MEF2C: variants seen among roughly 807,000 people sequenced by gnomAD.
The protein encoded by MEF2C is myocyte enhancer factor 2C.
In MEF2C, 6 loss-of-function variants were observed where a neutral mutation model predicts 50.5. The observed-to-expected ratio is 0.12, with a 90% CI of 0.07 to 0.23. The LOEUF is 0.23. MEF2C is among the 10% of genes least tolerant of loss of function. MEF2C has a pLI of 1.00. For missense variants in MEF2C, 276 were observed against 605.0 expected, an observed-to-expected ratio of 0.46 and a Z score of 5.70; for synonymous variants, 183 against 228.0, an observed-to-expected ratio of 0.80 and a Z score of 1.78.
upstream of MEF2C, chr5:88,887,261 T>C (rs1430366026): frequency 6.6e-6 from 1 of 152,214 alleles, no homozygotes. Context: ...TACACAGGAC[T>C]TCCCATGAAA....
rs929557536 is a variant in MEF2C, at chr5:88,823,826, A to T, written c.-38T>A. On this transcript the variant is annotated 5_prime_UTR_variant, in exon 2 of 11. Coordinates refer to ENST00000504921, the MANE Select transcript of MEF2C (RefSeq NM_002397.5). ...TCTTCTCTCTCTCGTCCCTGAAATT[A>T]TGTATTTTTTCCTTCCTTTTCTTTC... 13 of 1,603,316 alleles carry T rather than the reference A, an allele frequency of 8.1e-6. No individual in the cohort carries two copies. Among genetic ancestry groups the T allele is most frequent in the Non-Finnish European group, 1.1e-5 (13 of 1,174,492 alleles).
At chr5:88,730,152 A>T (rs1413463179) in intron 8 of MEF2C, 59 bp downstream of exon 8, 5 of 1,533,734 alleles carry the variant, frequency 3.3e-6, no homozygotes, top group Non-Finnish European at 4.4e-6. Context: ...CAAAGCTACC[A>T]CCTCTACCTA....
At chr5:88,811,152 C>G (rs781190311) in intron 2 of MEF2C, among the ~76,000 whole-genome samples, 2 of 152,022 alleles carry the variant, frequency 1.3e-5, no homozygotes, top group Non-Finnish European at 2.9e-5. Flanking sequence ...AGAGCATCTA[C>G]AGGATGGTAA....
chr5:88,717,832 T>A lies in MEF2C; in HGVS notation c.*4772A>T, dbSNP rs1156980453. ...AGCCTATGTTTTCAACTTTTAGAAA[T>A]TACTTCGAAGAAGAAAAAAGGAACT... On this transcript the variant is annotated 3_prime_UTR_variant, in exon 11 of 11. Transcript: ENST00000504921. The A allele has an allele frequency of 6.6e-6, 1 of 152,216 alleles. No homozygotes were observed. Among genetic ancestry groups the A allele is most frequent in the African/African-American group, 2.4e-5 (1 of 41,458 alleles). 9.4% of individuals were successfully genotyped at this position (152,216 alleles called of 1,614,324 possible). A position where few individuals can be genotyped will look rare whatever the true frequency, so the allele number is the denominator to read the frequency against.
intron 1 of MEF2C, among the ~76,000 whole-genome samples, chr5:88,827,956 T>C (rs1261208759): frequency 1.3e-5 from 2 of 151,432 alleles, no homozygotes; most frequent in Middle Eastern, 3.4e-3. Context: ...AAGATTCTTA[T>C]GGTTATTGAG....
At chr5:88,854,067 T>C (rs1822358921) in intron 1 of MEF2C, among the ~76,000 whole-genome samples, 1 of 152,226 alleles carries the variant, frequency 6.6e-6, no homozygotes. Context: ...CTTTATCTAT[T>C]ACCTGCATGT....
intron 2 of MEF2C, among the ~76,000 whole-genome samples, chr5:88,807,033 T>A (rs1800751778): frequency 2.0e-5 from 3 of 152,152 alleles, no homozygotes; most frequent in Non-Finnish European, 4.4e-5. Context: ...TCCCATGAAA[T>A]TTTTTTAACA....
chr5:88,844,110 G>A (rs566262707), intron 1 of MEF2C, among the ~76,000 whole-genome samples: 3 of 152,200 alleles, frequency 2.0e-5, no homozygotes, highest in South Asian at 2.1e-4. Context: ...GCACCCCTGC[G>A]AAACAATTTT....
chr5:88,728,467 A>G (rs1396604512), intron 10 of MEF2C, 26 bp downstream of exon 10: 3 of 1,391,872 alleles, frequency 2.2e-6, no homozygotes, highest in East Asian at 2.7e-5. Context: ...TTCTAAAATT[A>G]TATTATAAAA....
chr5:88,797,455 C>CTTTTTTTTTTTTTTT (rs879036291), intron 3 of MEF2C, among the ~76,000 whole-genome samples: 2 of 63,308 alleles, frequency 3.2e-5, no homozygotes, highest in Admixed American at 2.0e-4. Flanking sequence ...CAACCCTTGC[C>CTTTTTTTTTTTTTTT]TTTTTTTTTT....
chr5:88,858,435 G>A (rs911888738), intron 1 of MEF2C, among the ~76,000 whole-genome samples: 17 of 152,220 alleles, frequency 1.1e-4, no homozygotes, highest in African/African-American at 3.6e-4. Context: ...AGTTAATCAT[G>A]GGCCTTGGCT....
At chr5:88,838,086 G>A (rs1815883479) in intron 1 of MEF2C, among the ~76,000 whole-genome samples, 1 of 152,094 alleles carries the variant, frequency 6.6e-6, no homozygotes, top group Non-Finnish European at 1.5e-5. Context: ...TATCAATCCA[G>A]TCTCACACTC....
intron 1 of MEF2C, chr5:88,838,567 C>CTGAGAATTACAGA: frequency 1.0e-6 from 1 of 985,084 alleles, no homozygotes; most frequent in Non-Finnish European, 1.2e-6. Context: ...GAATTCTCAT[C>CTGAGAATTACAGA]TGAGAATTAC....
intron 3 of MEF2C, among the ~76,000 whole-genome samples, chr5:88,776,477 T>C (rs959906293): frequency 1.3e-5 from 2 of 152,176 alleles, no homozygotes; most frequent in African/African-American, 4.8e-5. Context: ...GATCAACAAC[T>C]CCTCATTCCC....
intron 4 of MEF2C, among the ~76,000 whole-genome samples, chr5:88,756,406 G>A (rs575328896): frequency 1.1e-3 from 165 of 152,122 alleles, no homozygotes; most frequent in African/African-American, 3.7e-3. Flanking sequence ...GAGAACATAC[G>A]GTATTAGATT....
chr5:88,895,859 C>T (rs1355756721), intron 1 of MEF2C, among the ~76,000 whole-genome samples: 1 of 152,216 alleles, frequency 6.6e-6, no homozygotes, highest in Non-Finnish European at 1.5e-5. Context: ...GAGCCGGCCA[C>T]TACAGCCGCC....
chr5:88,847,993 A>G (rs569136513), intron 1 of MEF2C, among the ~76,000 whole-genome samples: 3 of 152,330 alleles, frequency 2.0e-5, no homozygotes, highest in African/African-American at 7.2e-5. Flanking sequence ...TAAAGTACAT[A>G]ACTAAAAAGT....
intron 3 of MEF2C, among the ~76,000 whole-genome samples, chr5:88,769,507 G>A (rs1428984133): frequency 6.6e-6 from 1 of 152,160 alleles, no homozygotes; most frequent in African/African-American, 2.4e-5. Context: ...TCTGGCACAC[G>A]TTAGCTGTAA....
intron 1 of MEF2C, among the ~76,000 whole-genome samples, chr5:88,837,248 G>T (rs1323382862): frequency 6.6e-6 from 1 of 151,952 alleles, no homozygotes; most frequent in African/African-American, 2.4e-5. Context: ...TCAGTGCTTG[G>T]CACAAGGAAA....
Sources: gnomAD v4.1 joint callset for allele counts (sites outside exome capture counted in the v4.1 genomes callset) on GRCh38, gnomAD v4.1.1 for gene constraint, MANE v1.5 for transcripts, NCBI Gene and HGNC (gene_info 2026-07-23, HGNC 2026-07-21) for gene names.